The following NEBL variants were observed in gnomAD, a reference collection of about 807,000 sequenced individuals.
NEBL encodes LIM and SH3 protein 2.
In NEBL, 122 loss-of-function variants were observed where a neutral mutation model predicts 140.2. The ratio of observed to expected loss-of-function variants is 0.87; its 90% CI spans 0.75 to 1.01. The LOEUF (loss-of-function observed/expected upper bound fraction) is 1.01. Ranked by LOEUF, NEBL falls within the 50% of genes least tolerant of loss-of-function variation. NEBL has a pLI of 0.00. For missense variants in NEBL, 1,365 were observed against 1,231.3 expected (o/e 1.11, Z -1.62); for synonymous variants, 436 against 398.9 (o/e 1.09, Z -1.11).
At chr10:20,936,531 T>C (rs1589039179) in intron 4 of NEBL, among the ~76,000 whole-genome samples, 1 of 152,226 alleles carries the variant, frequency 6.6e-6, no homozygotes, top group Non-Finnish European at 1.5e-5. Context: ...ACTATGTCTG[T>C]TCCCCACTTC....
At chr10:20,957,329 A>C (rs1835853483) in intron 4 of NEBL, among the ~76,000 whole-genome samples, 1 of 152,184 alleles carries the variant, frequency 6.6e-6, no homozygotes, top group Non-Finnish European at 1.5e-5. Flanking sequence ...AAAGAGCTAA[A>C]AATAATTATA....
In NEBL at chr10:21,246,330, G is replaced by A. The variant is rs531248425; in HGVS notation, n.348+1591C>T. ...TTCTTACAATATTTAACATACACTCGCCATATAACCCAGTAATCCCACTGC... is the reference window on the plus strand; with the variant it reads ...TTCTTACAATATTTAACATACACTCACCATATAACCCAGTAATCCCACTGC... On this transcript the variant is annotated intron_variant and non_coding_transcript_variant, in intron 3 of 8. Transcript: ENST00000675702. Among the ~76,000 whole-genome samples the A allele has an allele frequency of 3.0e-4, 46 of 152,244 alleles. No homozygotes were observed. In the East Asian group the frequency reaches 3.3e-3, roughly 11 times the overall value.
rs945732469 is a variant in NEBL, at chr10:21,197,831, T to C, written n.349-25354A>G. Among the ~76,000 whole-genome samples, 4 of 152,192 alleles carry C rather than the reference T, an allele frequency of 2.6e-5. No homozygotes were observed. In the East Asian group the frequency reaches 7.7e-4, roughly 29 times the overall value. On this transcript the variant is annotated intron_variant and non_coding_transcript_variant, in intron 3 of 8. Transcript: ENST00000675702. ...TGGTCTTTGAGACCCCATGAGAAGC[T>C]AACTCACCAAAAAACGCAGTTTCCA...
chr10:21,267,440 T>G (rs1460696017), intron 1 of NEBL, among the ~76,000 whole-genome samples: 1 of 152,208 alleles, frequency 6.6e-6, no homozygotes, highest in African/African-American at 2.4e-5. Context: ...CTTATTTGGA[T>G]AGTTGGGAAA....
At chr10:20,926,853 A>G (rs1833938370) in intron 4 of NEBL, among the ~76,000 whole-genome samples, 1 of 152,236 alleles carries the variant, frequency 6.6e-6, no homozygotes, top group Non-Finnish European at 1.5e-5. Context: ...AAAGAAGAGA[A>G]ACACAACCTA....
upstream of NEBL, among the ~76,000 whole-genome samples, chr10:20,900,019 A>T (rs1847788968): frequency 6.6e-6 from 1 of 152,230 alleles, no homozygotes; most frequent in African/African-American, 2.4e-5. Context: ...TATGACATGG[A>T]GAATATGAAG....
intron 3 of NEBL, among the ~76,000 whole-genome samples, chr10:20,995,212 C>T (rs891196758): frequency 6.6e-6 from 1 of 152,186 alleles, no homozygotes; most frequent in African/African-American, 2.4e-5. Flanking sequence ...CAGCACCCCC[C>T]AGTCTCTGAG....
intron 2 of NEBL, among the ~76,000 whole-genome samples, chr10:21,107,969 G>A (rs539137911): frequency 2.6e-5 from 4 of 152,138 alleles, no homozygotes; most frequent in Non-Finnish European, 5.9e-5. Context: ...GTTATTTATG[G>A]TATTTTCTGA....
chr10:21,167,392 G>C (rs4748754), intron 2 of NEBL, among the ~76,000 whole-genome samples: 69,890 of 152,082 alleles, frequency 0.46, 18,573 homozygotes, highest in African/African-American at 0.73. Flanking sequence ...CAGGTCAGAG[G>C]AAATGTTCAG....
chr10:20,913,051 C>T (rs2131469934), intron 4 of NEBL, among the ~76,000 whole-genome samples: 1 of 152,076 alleles, frequency 6.6e-6, no homozygotes, highest in East Asian at 1.9e-4. Context: ...CATGAGCCAC[C>T]ATGCCCTGCT....
In NEBL at chr10:21,135,139, G is replaced by C. The variant is rs1366591009; in HGVS notation, c.164+37244C>G. On this transcript the variant is annotated intron_variant, in intron 2 of 6. Coordinates refer to the NEBL transcript ENST00000417816. ...GTGTAACAGGCCCTATTTCATCCCA[G>C]AGCTCAAGCTGAGAGGAAAACAGCC... Among the ~76,000 whole-genome samples, 3 of 152,184 alleles carry C rather than the reference G, an allele frequency of 2.0e-5. No homozygotes were observed. In the East Asian group the frequency reaches 5.8e-4, roughly 29 times the overall value.
At chr10:21,070,571 C>G (rs1479981702) in intron 2 of NEBL, among the ~76,000 whole-genome samples, 1 of 152,034 alleles carries the variant, frequency 6.6e-6, no homozygotes, top group Non-Finnish European at 1.5e-5. Flanking sequence ...CTCCAAAGGA[C>G]AGATAACCTA....
Position 21,066,708 on chromosome 10 carries a change from G to C in NEBL, c.165-46507C>G, listed in dbSNP as rs575636125. On this transcript the variant is annotated intron_variant, in intron 2 of 6. Coordinates refer to the NEBL transcript ENST00000417816. Reference sequence around the variant, plus strand: ...GCTTAAAACACAGCAATACAAGAGAGAGCAATGAGACATCCCTTCTTAAGA... The same window carrying C: ...GCTTAAAACACAGCAATACAAGAGACAGCAATGAGACATCCCTTCTTAAGA... 7.2e-5 allele frequency among the ~76,000 whole-genome samples: 11 copies of C among 152,280 alleles called. No homozygotes were observed. In the South Asian group the frequency reaches 2.3e-3, roughly 32 times the overall value.
chr10:20,995,912 T>C (rs1408438091), intron 3 of NEBL, among the ~76,000 whole-genome samples: 1 of 150,642 alleles, frequency 6.6e-6, no homozygotes, highest in Non-Finnish European at 1.5e-5. Flanking sequence ...CTAATTCTTT[T>C]TCCTTTACAG....
intron 3 of NEBL, among the ~76,000 whole-genome samples, chr10:21,241,751 GTCAGCAGGGTGGTGACAATGCTA>G (rs2132264952): frequency 6.6e-6 from 1 of 152,262 alleles, no homozygotes; most frequent in African/African-American, 2.4e-5. Context: ...GTTCAGCGTG[GTCAGCAGGGTGGTGACAATGCTA>G]TCAGCATTAA....
chr10:20,935,705 T>C (rs1834446443), intron 4 of NEBL, among the ~76,000 whole-genome samples: 1 of 152,238 alleles, frequency 6.6e-6, no homozygotes, highest in Admixed American at 6.5e-5. Flanking sequence ...TCTTGATGCT[T>C]ATCACAATGC....
chr10:20,851,655 T>G (rs1247991957), intron 10 of NEBL, among the ~76,000 whole-genome samples: 1 of 149,774 alleles, frequency 6.7e-6, no homozygotes, highest in Non-Finnish European at 1.5e-5. Context: ...CGTGGTGGCA[T>G]GCACCTGTAA....
intron 2 of NEBL, among the ~76,000 whole-genome samples, chr10:21,165,703 C>T (rs1840732385): frequency 6.6e-6 from 1 of 152,124 alleles, no homozygotes; most frequent in African/African-American, 2.4e-5. Context: ...GACAGATAAG[C>T]TCATGGTTCC....
intron 3 of NEBL, among the ~76,000 whole-genome samples, chr10:21,213,669 T>C (rs1841949358): frequency 6.6e-6 from 1 of 152,212 alleles, no homozygotes; most frequent in Non-Finnish European, 1.5e-5. Context: ...TGGGGCGACC[T>C]GGGCTTGAGG....
Sources: allele counts gnomAD v4.1 joint callset (sites outside exome capture counted in the v4.1 genomes callset), GRCh38; gene constraint gnomAD v4.1.1; transcripts MANE v1.5; gene names NCBI Gene and HGNC (gene_info 2026-07-23, HGNC 2026-07-21).